SLC4A4: variants seen among roughly 807,000 people sequenced by gnomAD.
The protein encoded by SLC4A4 is electrogenic sodium bicarbonate cotransporter 1.
In SLC4A4, 27 loss-of-function variants were observed where a neutral mutation model predicts 111.5. The ratio of observed to expected loss-of-function variants is 0.24; its 90% CI spans 0.18 to 0.33. The LOEUF (loss-of-function observed/expected upper bound fraction) is 0.33, where lower values mean the gene tolerates loss of function less well. Ranked by LOEUF, SLC4A4 falls within the 10% of genes least tolerant of loss-of-function variation. SLC4A4 has a pLI of 1.00. For synonymous variants in SLC4A4, 443 were observed against 463.4 expected (o/e 0.96, Z 0.57); for missense variants, 909 against 1,315.5 (o/e 0.69, Z 4.78).
intron 21 of SLC4A4, among the ~76,000 whole-genome samples, chr4:71,556,540 CATA>C (rs1736488298): frequency 6.6e-6 from 1 of 151,912 alleles, no homozygotes; most frequent in Admixed American, 6.6e-5. Context: ...AAATCAACCA[CATA>C]ATAATGATGG....
Position 71,292,833 on chromosome 4 carries a change from G to GTTTTT in SLC4A4, c.253+37438_253+37442dup, listed in dbSNP as rs1210782035. On this transcript the variant is annotated intron_variant, in intron 3 of 25. Coordinates refer to ENST00000264485, the MANE Select transcript of SLC4A4 (RefSeq NM_001098484.3). ...ATAGTGTGAGTATGTCTTACTTTTGGTTTTTTTTGTTTTTTTTTTTTTTTT... is the reference window on the plus strand; with the variant it reads ...ATAGTGTGAGTATGTCTTACTTTTGGTTTTTTTTTTTTTGTTTTTTTTTTTTTTTT... 8.2e-5 allele frequency among the ~76,000 whole-genome samples: 11 copies of GTTTTT among 133,428 alleles called. 1 individual carries two copies. Among genetic ancestry groups the GTTTTT allele is most frequent in the South Asian group, 2.5e-4 (1 of 3,976 alleles). The allele number at this position is 133,428 out of a possible 152,430, so 87.5% of individuals were successfully genotyped here.
intron 12 of SLC4A4, among the ~76,000 whole-genome samples, chr4:71,459,849 A>AT (rs1414373816): frequency 2.0e-5 from 3 of 151,804 alleles, no homozygotes; most frequent in Non-Finnish European, 4.4e-5. Context: ...CCATATTCTC[A>AT]TTTTTTGTCG....
At chr4:71,507,715 C>T (rs1023058600) in intron 16 of SLC4A4, among the ~76,000 whole-genome samples, 1 of 152,144 alleles carries the variant, frequency 6.6e-6, no homozygotes, top group Non-Finnish European at 1.5e-5. Flanking sequence ...GTATTCAAGA[C>T]CTGAACTCAG....
intron 6 of SLC4A4, among the ~76,000 whole-genome samples, chr4:71,384,565 C>A (rs1279443017): frequency 2.7e-5 from 4 of 150,842 alleles, no homozygotes; most frequent in Non-Finnish European, 2.9e-5. Flanking sequence ...GGGCTTGAAC[C>A]CAGGAGGTTG....
At chr4:71,426,073 C>G (rs908395742) in intron 7 of SLC4A4, among the ~76,000 whole-genome samples, 6 of 151,998 alleles carry the variant, frequency 3.9e-5, no homozygotes, top group Non-Finnish European at 8.8e-5. Flanking sequence ...TCAGGGCCTT[C>G]TATGTGCCAT....
intron 2 of SLC4A4, among the ~76,000 whole-genome samples, chr4:71,147,805 A>G (rs933643652): frequency 2.6e-5 from 4 of 152,126 alleles, no homozygotes; most frequent in African/African-American, 9.7e-5. Context: ...GCTGTTTACC[A>G]GATTTATAAG....
chr4:71,246,587 A>ATT (rs775136390), intron 2 of SLC4A4, among the ~76,000 whole-genome samples: 37 of 152,174 alleles, frequency 2.4e-4, no homozygotes, highest in Non-Finnish European at 4.4e-4. Flanking sequence ...CAGCTAGAAC[A>ATT]TTGTCATATT....
At chr4:71,459,188 T>C (rs1027982272) in intron 12 of SLC4A4, among the ~76,000 whole-genome samples, 1 of 152,056 alleles carries the variant, frequency 6.6e-6, no homozygotes, top group Non-Finnish European at 1.5e-5. Context: ...TGTCACCCTA[T>C]TTCCTTGATG....
chr4:71,478,862 A>G (rs1425072335), intron 14 of SLC4A4, among the ~76,000 whole-genome samples: 1 of 151,804 alleles, frequency 6.6e-6, no homozygotes, highest in African/African-American at 2.4e-5. Flanking sequence ...TTTTGAATGA[A>G]CAAAAGTGAG....
intron 2 of SLC4A4, among the ~76,000 whole-genome samples, chr4:71,127,579 T>C (rs1333518839): frequency 1.3e-5 from 2 of 152,188 alleles, no homozygotes; most frequent in Non-Finnish European, 2.9e-5. Context: ...TATTAAATCA[T>C]ATTGCTCTCA....
chr4:71,555,814 T>A (rs1319895952), intron 21 of SLC4A4, among the ~76,000 whole-genome samples: 1 of 151,840 alleles, frequency 6.6e-6, no homozygotes, highest in Non-Finnish European at 1.5e-5. Context: ...AGGTGAAAGG[T>A]TCACTTGAAC....
chr4:71,506,842 A>G (rs1467082108), intron 16 of SLC4A4, among the ~76,000 whole-genome samples: 1 of 152,176 alleles, frequency 6.6e-6, no homozygotes, highest in African/African-American at 2.4e-5. Context: ...GGGCAGCCAG[A>G]GAGAAAGGCA....
chr4:71,311,984 C>G (rs1726231520), intron 3 of SLC4A4, among the ~76,000 whole-genome samples: 2 of 149,858 alleles, frequency 1.3e-5, no homozygotes, highest in Non-Finnish European at 3.0e-5. Context: ...ATTGCGGGAG[C>G]TGGTTTTTTG....
intron 2 of SLC4A4, among the ~76,000 whole-genome samples, chr4:71,175,293 T>C (rs1288983180): frequency 6.6e-6 from 1 of 152,226 alleles, no homozygotes; most frequent in Non-Finnish European, 1.5e-5. Flanking sequence ...GATTTCTGCA[T>C]TTCCAACTGA....
intron 1 of SLC4A4, among the ~76,000 whole-genome samples, chr4:71,188,424 T>C (rs1393737849): frequency 3.3e-5 from 5 of 152,134 alleles, no homozygotes; most frequent in Non-Finnish European, 5.9e-5. Context: ...TGGCTTACCC[T>C]CCCCATTTCT....
intron 2 of SLC4A4, among the ~76,000 whole-genome samples, chr4:71,101,557 C>G (rs1169651017): frequency 2.0e-5 from 3 of 152,176 alleles, no homozygotes; most frequent in Non-Finnish European, 4.4e-5. Flanking sequence ...GTTTTCCCAG[C>G]ACACAGCTGG....
chr4:71,173,981 C>A (rs974361248), intron 2 of SLC4A4, among the ~76,000 whole-genome samples: 1 of 152,034 alleles, frequency 6.6e-6, no homozygotes, highest in African/African-American at 2.4e-5. Flanking sequence ...TAGGTGTTGG[C>A]CATATTATTA....
chr4:71,271,820 C>T (rs920154341), intron 3 of SLC4A4, among the ~76,000 whole-genome samples: 2 of 152,206 alleles, frequency 1.3e-5, no homozygotes, highest in Non-Finnish European at 2.9e-5. Context: ...ATGTGTCTGG[C>T]ACTCTACTAG....
intron 16 of SLC4A4, among the ~76,000 whole-genome samples, chr4:71,504,006 T>G (rs1022024714): frequency 6.6e-6 from 1 of 152,192 alleles, no homozygotes; most frequent in African/African-American, 2.4e-5. Context: ...GCAAGATTTC[T>G]GCTGAGAAAT....
Sources: gnomAD v4.1 joint callset for allele counts (sites outside exome capture counted in the v4.1 genomes callset) on GRCh38, gnomAD v4.1.1 for gene constraint, MANE v1.5 for transcripts, NCBI Gene and HGNC (gene_info 2026-07-23, HGNC 2026-07-21) for gene names.